The following LRRIQ4 variants were observed in gnomAD, a reference collection of about 807,000 sequenced individuals.
LRRIQ4 encodes leucine rich repeats and IQ motif containing 4.
In LRRIQ4, 21 loss-of-function variants were observed where a neutral mutation model predicts 40.1. The ratio of observed to expected loss-of-function variants is 0.52; its 90% CI spans 0.37 to 0.75. The LOEUF (loss-of-function observed/expected upper bound fraction) is 0.75. LRRIQ4 is among the 30% of genes least tolerant of loss of function. The pLI is 0.00. For missense variants in LRRIQ4, 655 were observed against 660.0 expected (o/e 0.99, Z 0.08); for synonymous variants, 277 against 277.1 (o/e 1.00, Z 0.00).
At position 169,821,998 on chromosome 3, in the gene LRRIQ4, G is replaced by A; in HGVS notation, c.77G>A (p.Arg26Lys). The change falls in exon 2 of 6, where the codon AGA becomes AAA. Residue 26 changes from arginine to lysine, a missense_variant. Physicochemically the swap from Arg to Lys is conservative, Grantham distance 26. Transcript: ENST00000340806. ...QRNDPQHVNDRTFFIDASNQS... is the reference protein window; with the variant it reads ...QRNDPQHVNDKTFFIDASNQS... Reference sequence around the variant, plus strand: ...AATGATCCACAGCACGTCAATGATAGAACATTTTTCATTGATGCCTCTAAT... The same window carrying A: ...AATGATCCACAGCACGTCAATGATAAAACATTTTTCATTGATGCCTCTAAT... 1 of 1,569,316 alleles carries A rather than the reference G, an allele frequency of 6.4e-7. No homozygotes were observed. Among genetic ancestry groups the A allele is most frequent in the Non-Finnish European group, 8.6e-7 (1 of 1,162,610 alleles).
intron 5 of LRRIQ4, 121 bp from the exon 6 acceptor site, chr3:169,837,358 T>C: frequency 8.9e-7 from 1 of 1,128,720 alleles, no homozygotes; most frequent in Admixed American, 3.7e-5. Flanking sequence ...AAATTTAGAG[T>C]TCTAATCACA....
intron 2 of LRRIQ4, among the ~76,000 whole-genome samples, chr3:169,824,605 T>C (rs151043468): frequency 0.036 from 5,521 of 151,952 alleles, 113 homozygotes; most frequent in Middle Eastern, 0.054. Flanking sequence ...CTCTGCCTCC[T>C]GGGTTCAAGC....
chr3:169,819,898 A>C (rs141545407), intron 1 of LRRIQ4, among the ~76,000 whole-genome samples: 1 of 152,334 alleles, frequency 6.6e-6, no homozygotes, highest in East Asian at 1.9e-4. Flanking sequence ...GTATTAGATA[A>C]ATTTAATCTG....
chr3:169,828,023 T>C (rs1246360193), intron 2 of LRRIQ4, among the ~76,000 whole-genome samples: 1 of 152,186 alleles, frequency 6.6e-6, no homozygotes, highest in East Asian at 1.9e-4. Flanking sequence ...TATGTTTGCC[T>C]CCAACTGAGA....
chr3:169,829,016 A>G lies in LRRIQ4; in HGVS notation c.1194+84A>G, dbSNP rs57679984. On this transcript the variant is annotated intron_variant, in intron 3 of 5. Transcript: ENST00000340806. The stretch of plus-strand genomic sequence containing the variant: ...GAAACTGAGAAAATATGAGGTCTCC[A>G]CAGGCTGGATGTAGAATCATCCATA... The G allele has an allele frequency of 3.1e-3, 3,791 of 1,224,364 alleles. 91 individuals carry two copies. The African/African-American group carries it at 0.052, about 17-fold the overall frequency. 75.8% of individuals were successfully genotyped at this position (1,224,364 alleles called of 1,614,324 possible).
intron 2 of LRRIQ4, among the ~76,000 whole-genome samples, chr3:169,823,357 C>G (rs992636246): frequency 8.1e-6 from 1 of 123,348 alleles, no homozygotes; most frequent in Non-Finnish European, 1.8e-5. Flanking sequence ...TTTTTTTTTT[C>G]TCTTCCCCGA....
At chr3:169,814,310 G>T (rs1333145803) in intron 1 of LRRIQ4, among the ~76,000 whole-genome samples, 1 of 130,118 alleles carries the variant, frequency 7.7e-6, no homozygotes, top group African/African-American at 2.8e-5. Flanking sequence ...ATTCCCCTCG[G>T]TCTACACATC....
chr3:169,821,949 C>A lies in LRRIQ4; in HGVS notation c.28C>A (p.His10Asn). The A allele has an allele frequency of 6.7e-7, 1 of 1,490,964 alleles. No homozygotes were observed. The highest frequency in any genetic ancestry group is 8.9e-7 in the Non-Finnish European group (1 of 1,123,502). The allele number at this position is 1,490,964 out of a possible 1,614,324, so 92.4% of individuals were successfully genotyped here. A position where few individuals can be genotyped will look rare whatever the true frequency, so the allele number is the denominator to read the frequency against. MSKDIKSVE[H>N]SPKIHQRNDP... ...GTCAAAAGACATAAAATCAGTAGAA[C>A]ATTCACCTAAAATTCATCAGAGAAA... is the stretch of plus-strand genomic sequence containing the variant. Residue 10 changes from histidine to asparagine, a missense_variant, in exon 2 of 6, where the codon CAT (histidine) becomes AAT (asparagine). Coordinates refer to ENST00000340806, the MANE Select transcript of LRRIQ4 (RefSeq NM_001080460.3).
Position 169,822,023 on chromosome 3 carries a change from T to C in LRRIQ4, c.102T>C (p.Asn34=). ...GAACATTTTTCATTGATGCCTCTAA[T>C]CAGAGCTTGACTGCCATTCCTTTGG... ...NDRTFFIDAS[N]QSLTAIPLEI... The change falls in exon 2 of 6, where the codon AAT becomes AAC. Residue 34 remains asparagine (N), a synonymous_variant. Coordinates refer to ENST00000340806, the MANE Select transcript of LRRIQ4 (RefSeq NM_001080460.3). 2 of 1,598,750 alleles carry C rather than the reference T, an allele frequency of 1.3e-6. No homozygotes were observed. The highest frequency in any genetic ancestry group is 1.1e-5 in the South Asian group (1 of 87,836).
chr3:169,827,398 GA>G (rs1780063556), intron 2 of LRRIQ4, among the ~76,000 whole-genome samples: 1 of 152,040 alleles, frequency 6.6e-6, no homozygotes, highest in African/African-American at 2.4e-5. Context: ...ACGAGGTCAG[GA>G]GATCGAGACC....
chr3:169,833,154 A>G lies in LRRIQ4; in HGVS notation c.1501A>G (p.Asn501Asp). The G allele has an allele frequency of 6.2e-7, 1 of 1,613,318 alleles. No individual in the cohort carries two copies. The change falls in exon 5 of 6, where the codon AAC (asparagine) becomes GAC (aspartate). Residue 501 changes from asparagine (N) to aspartate (D), a missense_variant. Asn to Asp is a conservative substitution (Grantham distance 23). Coordinates refer to ENST00000340806, the MANE Select transcript of LRRIQ4 (RefSeq NM_001080460.3). ...GGCCATATGGAAATACCTCAAGGAA[A>G]ACAGAAACAGGAATATAATGGCAAC... is the stretch of plus-strand genomic sequence containing the variant. ...NEAIWKYLKE[N>D]RNRNIMATKI...
chr3:169,837,374 TTC>T (rs66506858), intron 5 of LRRIQ4, 103 bp from the exon 6 acceptor site: 334,273 of 1,251,856 alleles, frequency 0.27, 49,245 homozygotes, highest in East Asian at 0.67. Flanking sequence ...TCACATCCCA[TTC>T]TCTCCACGTC....
At chr3:169,826,395 A>AAAG in intron 2 of LRRIQ4, among the ~76,000 whole-genome samples, 1 of 151,242 alleles carries the variant, frequency 6.6e-6, no homozygotes, top group African/African-American at 2.4e-5. Flanking sequence ...TCCGCCTCAA[A>AAAG]AAAAAAAAAA....
intron 1 of LRRIQ4, among the ~76,000 whole-genome samples, chr3:169,815,328 T>C (rs919750831): frequency 3.3e-5 from 5 of 152,196 alleles, no homozygotes; most frequent in Non-Finnish European, 7.3e-5. Flanking sequence ...TTCAATGTTT[T>C]ATAGTTTTCA....
chr3:169,822,742 G>C lies in LRRIQ4; in HGVS notation c.821G>C (p.Arg274Pro). 1.9e-6 allele frequency: 3 copies of C among 1,613,794 alleles called. No homozygotes were observed. The highest frequency in any genetic ancestry group is 2.5e-6 in the Non-Finnish European group (3 of 1,179,774). Residue 274 changes from arginine to proline, a missense_variant, in exon 2 of 6, where the codon CGC becomes CCC. By Grantham distance (103) the Arg-to-Pro change is moderately radical. Coordinates refer to ENST00000340806, the MANE Select transcript of LRRIQ4 (RefSeq NM_001080460.3). ...LSGNRLEKVP[R>P]LICRWTSLHL... ...GGGAACCGCCTGGAGAAGGTGCCACGCCTCATTTGCAGGTGGACCTCGCTG... is the reference window on the plus strand; with the variant it reads ...GGGAACCGCCTGGAGAAGGTGCCACCCCTCATTTGCAGGTGGACCTCGCTG...
intron 1 of LRRIQ4, among the ~76,000 whole-genome samples, chr3:169,821,680 C>CTTT (rs201578463): frequency 3.4e-5 from 5 of 147,336 alleles, no homozygotes; most frequent in African/African-American, 1.2e-4. Flanking sequence ...AAGTTAATCT[C>CTTT]TTTTTTTTTT....
At chr3:169,831,430 C>T (rs1426640176) in intron 4 of LRRIQ4, among the ~76,000 whole-genome samples, 13 of 132,434 alleles carry the variant, frequency 9.8e-5, no homozygotes, top group East Asian at 6.4e-4. Context: ...CCCGCCACCA[C>T]GCCCGGCTAA....
At chr3:169,814,827 A>G (rs563664316) in intron 1 of LRRIQ4, among the ~76,000 whole-genome samples, 3 of 152,170 alleles carry the variant, frequency 2.0e-5, no homozygotes, top group Non-Finnish European at 4.4e-5. Flanking sequence ...GGCAAGAGAT[A>G]GGGGTGTAGT....
intron 5 of LRRIQ4, among the ~76,000 whole-genome samples, chr3:169,836,924 C>G (rs1434139446): frequency 6.6e-6 from 1 of 152,034 alleles, no homozygotes; most frequent in Non-Finnish European, 1.5e-5. Flanking sequence ...GCCTTGTAAG[C>G]CATATAAGGA....
Sources: gnomAD v4.1 joint callset for allele counts (sites outside exome capture counted in the v4.1 genomes callset) on GRCh38, gnomAD v4.1.1 for gene constraint, MANE v1.5 for transcripts, NCBI Gene and HGNC (gene_info 2026-07-23, HGNC 2026-07-21) for gene names.